Variants in KDM5D observed in about 807,000 individuals in gnomAD.
The protein encoded by KDM5D is lysine demethylase 5D, also known as lysine-specific demethylase 5D.
Under a neutral mutation model 31.9 loss-of-function variants are expected in KDM5D, and 25 were observed. The observed-to-expected ratio is 0.78, with a 90% confidence interval of 0.57 to 1.09. KDM5D has a LOEUF of 1.09. Among genes scored for constraint, KDM5D ranks in the 50% least tolerant of loss-of-function variants. The pLI, the probability that KDM5D is intolerant of heterozygous loss-of-function variation, is 0.00. For synonymous variants in KDM5D, 146 were observed against 122.3 expected (o/e 1.19, Z -1.28); for missense variants, 366 against 341.6 (o/e 1.07, Z -0.56).
chrY:19,729,534 G>A, intron 11 of KDM5D, among the ~76,000 whole-genome samples: 1 of 33,623 alleles, frequency 3.0e-5, no homozygotes, highest in African/African-American at 1.2e-4. Context: ...GAAACTAGCA[G>A]GAACGGGACT....
Position 19,710,153 on chromosome Y carries a change from C to G in KDM5D, c.2583+223G>C. The G allele has an allele frequency of 1.4e-5, 5 of 363,659 alleles. No homozygotes were observed. In the South Asian group the frequency reaches 1.6e-4, roughly 12 times the overall value. The allele number at this position is 363,659 out of a possible 400,897, so 90.7% of individuals were successfully genotyped here. A position where few individuals can be genotyped will look rare whatever the true frequency, so the allele number is the denominator to read the frequency against. The stretch of plus-strand genomic sequence containing the variant: ...CCCAAGAGCCAGTGTCTTATGTAGG[C>G]CCAGTTTAGAGTTTTTAATTATTTC... On this transcript the variant is annotated intron_variant, in intron 19 of 26. Transcript: ENST00000317961.
chrY:19,732,888 T>C, intron 8 of KDM5D, 146 bp from the exon 9 acceptor site: 2 of 149,376 alleles, frequency 1.3e-5, no homozygotes, highest in Admixed American at 2.6e-4. Context: ...GTGCAAACTA[T>C]GACAGGAAAT....
intron 13 of KDM5D, among the ~76,000 whole-genome samples, chrY:19,717,800 C>T: frequency 3.0e-5 from 1 of 33,547 alleles, no homozygotes; most frequent in Non-Finnish European, 7.4e-5. Flanking sequence ...CAATCAGACA[C>T]AATCTGCAAA....
intron 11 of KDM5D, among the ~76,000 whole-genome samples, chrY:19,729,695 T>C (rs2045458871): frequency 1.2e-4 from 4 of 33,990 alleles, no homozygotes; most frequent in Admixed American, 1.1e-3. Context: ...TAAGCATAAA[T>C]GGTGTGTCCA....
At chrY:19,712,304 A>G (rs2045303566) in intron 18 of KDM5D, among the ~76,000 whole-genome samples, 1 of 33,725 alleles carries the variant, frequency 3.0e-5, no homozygotes, top group South Asian at 6.7e-4. Flanking sequence ...ATGACAAATC[A>G]CATGTATGAT....
intron 11 of KDM5D, among the ~76,000 whole-genome samples, chrY:19,723,167 C>T: frequency 3.0e-5 from 1 of 33,391 alleles, no homozygotes; most frequent in Admixed American, 2.7e-4. Flanking sequence ...AAGCCAGACA[C>T]GTACTACCAT....
rs779355766 is a variant in KDM5D at position 19,709,018 on chromosome Y, AT to A, written c.2943-6del. 5.1e-6 allele frequency: 2 copies of A among 393,144 alleles called. No homozygotes were observed. Among genetic ancestry groups the A allele is most frequent in the Non-Finnish European group, 7.2e-6 (2 of 279,102 alleles). Reference sequence around the variant, plus strand: ...GTGGCTGGTGGATGCTTCTGCCTAAATTTTTTTTGAAAAAGAGAAATCTATC... The same window carrying A: ...GTGGCTGGTGGATGCTTCTGCCTAAATTTTTTTGAAAAAGAGAAATCTATC... On this transcript the variant is annotated splice_region_variant and splice_polypyrimidine_tract_variant and intron_variant, in intron 20 of 26. Coordinates refer to ENST00000317961, the MANE Select transcript of KDM5D (RefSeq NM_004653.5).
chrY:19,732,313 C>T (rs2045478817), intron 9 of KDM5D, 148 bp from the exon 10 acceptor site: 2 of 168,063 alleles, frequency 1.2e-5, no homozygotes, highest in Non-Finnish European at 2.1e-5. Flanking sequence ...TTTGTTTCTT[C>T]AGTAGGTATT....
At chrY:19,711,558 G>A in intron 18 of KDM5D, among the ~76,000 whole-genome samples, 2 of 31,241 alleles carry the variant, frequency 6.4e-5, no homozygotes, top group African/African-American at 2.6e-4. Flanking sequence ...GCACACACCT[G>A]TAGACCCAGC....
At chrY:19,709,173 G>C (rs2045275184) in intron 20 of KDM5D, among the ~76,000 whole-genome samples, 160 bp from the exon 21 acceptor site, 1 of 33,812 alleles carries the variant, frequency 3.0e-5, no homozygotes, top group African/African-American at 1.2e-4. Context: ...CATTGCAGGG[G>C]GCTATATAGA....
chrY:19,708,131 C>T (rs924216272), intron 22 of KDM5D, 60 bp from the exon 23 acceptor site: 2 of 372,488 alleles, frequency 5.4e-6, no homozygotes, highest in African/African-American at 6.5e-5. Flanking sequence ...ACTACACCCT[C>T]TCCTTCCTAC....
rs2032633 is a variant in KDM5D, at chrY:19,706,840, T to C, written c.4023A>G (p.Gly1341=). 1 of 395,120 alleles carries C rather than the reference T, an allele frequency of 2.5e-6. No individual in the cohort carries two copies. Among genetic ancestry groups the C allele is most frequent in the African/African-American group, 6.4e-5 (1 of 15,553 alleles). ...ISKVQGLLEN[G]DSVTSPENMA... ...TGTTCTCAGGACTGGTCACACTGTCTCCATTCTCCAGCAGCCCTTGGACCT... is the reference window on the plus strand; with the variant it reads ...TGTTCTCAGGACTGGTCACACTGTCCCCATTCTCCAGCAGCCCTTGGACCT... The change falls in exon 25 of 27, where the codon GGA becomes GGG. Residue 1341 remains glycine (G), a synonymous_variant. Coordinates refer to ENST00000317961, the MANE Select transcript of KDM5D (RefSeq NM_004653.5).
chrY:19,712,477 A>C (rs2045305664), intron 18 of KDM5D, among the ~76,000 whole-genome samples: 8 of 34,408 alleles, frequency 2.3e-4, no homozygotes, highest in Admixed American at 1.6e-3. Context: ...CACATGCATC[A>C]CATAATACCT....
intron 11 of KDM5D, among the ~76,000 whole-genome samples, chrY:19,729,032 C>T (rs2045454174): frequency 3.3e-5 from 1 of 30,697 alleles, no homozygotes; most frequent in Non-Finnish European, 7.9e-5. Context: ...GCTAACATGG[C>T]GAAACCCCAT....
At chrY:19,726,339 C>G (rs2045431952) in intron 11 of KDM5D, among the ~76,000 whole-genome samples, 1 of 33,874 alleles carries the variant, frequency 3.0e-5, no homozygotes, top group African/African-American at 1.2e-4. Context: ...AAATGTTGCA[C>G]ATATACACCA....
At chrY:19,744,003 C>T (rs2045578972) in intron 2 of KDM5D, among the ~76,000 whole-genome samples, 7 of 33,937 alleles carry the variant, frequency 2.1e-4, no homozygotes, top group Non-Finnish European at 3.7e-4. Flanking sequence ...AGAAAGAAAA[C>T]ACCAGTCCAA....
intron 11 of KDM5D, among the ~76,000 whole-genome samples, chrY:19,728,127 C>T (rs894762813): frequency 1.2e-4 from 4 of 32,608 alleles, no homozygotes; most frequent in South Asian, 1.4e-3. Flanking sequence ...AGTCACATTC[C>T]ACACATCAAG....
At position 19,706,472 on chromosome Y, in the gene KDM5D, G is replaced by A. The variant is rs745970329; in HGVS notation, c.4238C>T (p.Pro1413Leu). 2.5e-6 allele frequency: 1 copy of A among 398,574 alleles called. No homozygotes were observed. Among genetic ancestry groups the A allele is most frequent in the South Asian group, 3.0e-5 (1 of 33,738 alleles). The change falls in exon 26 of 27, where the codon CCA becomes CTA. Residue 1413 changes from proline to leucine, a missense_variant. Transcript: ENST00000317961. The part of the protein sequence containing the change: ...IWQLLQAGQP[P>L]DLDRIRTLLE... ...AAGTGTGCGAATTCTGTCCAGGTCTGGAGGCTGTCCAGCCTGCAGCAGCTG... is the reference window on the plus strand; with the variant it reads ...AAGTGTGCGAATTCTGTCCAGGTCTAGAGGCTGTCCAGCCTGCAGCAGCTG...
chrY:19,723,446 T>A (rs1429818014), intron 11 of KDM5D: 6 of 91,951 alleles, frequency 6.5e-5, no homozygotes, highest in South Asian at 2.5e-4. Flanking sequence ...AAAAAAAAAA[T>A]TTAAAAATAT....
Sources: gnomAD v4.1 joint callset for allele counts (sites outside exome capture counted in the v4.1 genomes callset) on GRCh38, gnomAD v4.1.1 for gene constraint, MANE v1.5 for transcripts, NCBI Gene and HGNC (gene_info 2026-07-23, HGNC 2026-07-21) for gene names.